Variants in EPM2A observed in about 807,000 individuals in gnomAD.
EPM2A encodes the protein laforin.
In EPM2A, 21 loss-of-function variants were observed where a neutral mutation model predicts 26.5. The observed-to-expected ratio is 0.79, with a 90% CI of 0.56 to 1.14. The LOEUF (loss-of-function observed/expected upper bound fraction) is 1.14, where lower values mean the gene tolerates loss of function less well. EPM2A is among the 50% of genes most tolerant of loss of function. The pLI is 0.00. For synonymous variants in EPM2A, 217 were observed against 177.6 expected (o/e 1.22, Z -1.76); for missense variants, 458 against 440.8 (o/e 1.04, Z -0.35).
At chr6:145,399,750 C>T (rs1006169611) in intron 4 of EPM2A, among the ~76,000 whole-genome samples, 1 of 152,068 alleles carries the variant, frequency 6.6e-6, no homozygotes, top group Non-Finnish European at 1.5e-5. Flanking sequence ...TTATGTCAAC[C>T]CTTCAGGTGA....
At chr6:145,480,196 T>TTTAA (rs10657193) in intron 4 of EPM2A, among the ~76,000 whole-genome samples, 17,080 of 150,474 alleles carry the variant, frequency 0.11, 2,163 homozygotes, top group African/African-American at 0.31. Context: ...AAAAAAGAGG[T>TTTAA]TTGACTCACA....
chr6:145,699,191 A>T (rs1296437671), intron 1 of EPM2A, among the ~76,000 whole-genome samples: 1 of 152,228 alleles, frequency 6.6e-6, no homozygotes, highest in South Asian at 2.1e-4. Flanking sequence ...TGATTCCCAC[A>T]ATAAATGAAC....
At chr6:145,552,681 T>C (rs1780672096) in intron 2 of EPM2A, among the ~76,000 whole-genome samples, 1 of 152,082 alleles carries the variant, frequency 6.6e-6, no homozygotes, top group Non-Finnish European at 1.5e-5. Context: ...TAAGAACCAC[T>C]GACTGTAAAA....
intron 4 of EPM2A, chr6:145,384,218 G>A (rs1778227886): frequency 6.6e-6 from 1 of 152,126 alleles, no homozygotes; most frequent in Non-Finnish European, 1.5e-5. Context: ...AAAATTGCAA[G>A]TCCCTAGTTT....
intron 4 of EPM2A, among the ~76,000 whole-genome samples, chr6:145,392,278 G>C (rs1778348258): frequency 6.6e-6 from 1 of 152,104 alleles, no homozygotes; most frequent in Non-Finnish European, 1.5e-5. Context: ...AACATGTTCT[G>C]GAGTCTCCGA....
At chr6:145,385,037 C>T (rs1026250023) in intron 4 of EPM2A, among the ~76,000 whole-genome samples, 1 of 147,608 alleles carries the variant, frequency 6.8e-6, no homozygotes, top group South Asian at 2.3e-4. Context: ...TAAATAGCAT[C>T]GCATGAATAA....
intron 2 of EPM2A, among the ~76,000 whole-genome samples, chr6:145,554,595 G>T (rs1207316034): frequency 6.6e-6 from 1 of 152,032 alleles, no homozygotes; most frequent in Non-Finnish European, 1.5e-5. Context: ...TCATGGTTCT[G>T]GAGGCTAGGA....
At chr6:145,485,661 G>A (rs527912203) in intron 4 of EPM2A, among the ~76,000 whole-genome samples, 68 of 152,298 alleles carry the variant, frequency 4.5e-4, no homozygotes, top group African/African-American at 1.6e-3. Flanking sequence ...GCAAAAAAGG[G>A]ATGTTCTGCC....
chr6:145,556,797 C>T (rs1165325070), intron 2 of EPM2A, among the ~76,000 whole-genome samples: 1 of 152,068 alleles, frequency 6.6e-6, no homozygotes, highest in African/African-American at 2.4e-5. Context: ...CACATAACAG[C>T]TTATGTCTCT....
In EPM2A at chr6:145,587,968, G is replaced by A. The variant is rs766368153; in HGVS notation, c.340+47277C>T. Reference sequence around the variant, plus strand: ...TTCTGAATTAATATTATGCATGTACGAATCAGACAGTAGAGTGGGAAAGTA... The same window carrying A: ...TTCTGAATTAATATTATGCATGTACAAATCAGACAGTAGAGTGGGAAAGTA... On this transcript the variant is annotated intron_variant, in intron 2 of 3. Coordinates refer to the EPM2A transcript ENST00000450221. Among the ~76,000 whole-genome samples, 9 of 152,214 alleles carry A rather than the reference G, an allele frequency of 5.9e-5. No individual in the cohort carries two copies. The South Asian group carries it at 8.3e-4, about 14-fold the overall frequency.
At chr6:145,617,200 C>T (rs549635858) in intron 2 of EPM2A, among the ~76,000 whole-genome samples, 1 of 152,282 alleles carries the variant, frequency 6.6e-6, no homozygotes, top group South Asian at 2.1e-4. Context: ...ATAAGTCTCA[C>T]AAGATCTGAT....
chr6:145,633,675 T>G (rs1169805947), intron 3 of EPM2A: 1 of 152,204 alleles, frequency 6.6e-6, no homozygotes, highest in Non-Finnish European at 1.5e-5. Context: ...TCCTCATGGT[T>G]TTTTATCTTG....
intron 2 of EPM2A, among the ~76,000 whole-genome samples, chr6:145,608,262 T>C (rs1775311228): frequency 6.6e-6 from 1 of 152,196 alleles, no homozygotes; most frequent in Non-Finnish European, 1.5e-5. Flanking sequence ...AACTTTATCA[T>C]AGGTATGTAT....
intron 2 of EPM2A, among the ~76,000 whole-genome samples, chr6:145,561,954 G>A (rs568087142): frequency 6.6e-6 from 1 of 151,644 alleles, no homozygotes; most frequent in Non-Finnish European, 1.5e-5. Context: ...ATGCATGTGG[G>A]GCTTAAAACC....
At chr6:145,624,207 G>A (rs1314181176), downstream of EPM2A, among the ~76,000 whole-genome samples, 2 of 151,936 alleles carry the variant, frequency 1.3e-5, no homozygotes, top group Non-Finnish European at 2.9e-5. Context: ...TTTTCCTACT[G>A]CGATCTAGTC....
At chr6:145,589,085 G>T (rs1217284257) in intron 2 of EPM2A, among the ~76,000 whole-genome samples, 1 of 152,096 alleles carries the variant, frequency 6.6e-6, no homozygotes, top group Admixed American at 6.5e-5. Flanking sequence ...CAAAATATTC[G>T]TCTATGACAG....
intron 4 of EPM2A, among the ~76,000 whole-genome samples, chr6:145,438,242 A>G (rs749725080): frequency 6.6e-6 from 1 of 152,180 alleles, no homozygotes; most frequent in Non-Finnish European, 1.5e-5. Context: ...GAACGGAAAT[A>G]GAATAACAAA....
downstream of EPM2A, among the ~76,000 whole-genome samples, chr6:145,624,850 G>T (rs941607600): frequency 6.6e-6 from 1 of 152,084 alleles, no homozygotes; most frequent in Non-Finnish European, 1.5e-5. Flanking sequence ...ACACCTTAAT[G>T]ATGGTCAAAA....
In EPM2A at chr6:145,726,224, A is replaced by G. The variant is rs145550214; in HGVS notation, c.301+8974T>C. On this transcript the variant is annotated intron_variant, in intron 1 of 3. Transcript: ENST00000367519. ...AGAGAAGTCACTGAAAGAGTACTCA[A>G]TGGCCAAACCTGAAATAAACTGAAC... 2.1e-4 allele frequency among the ~76,000 whole-genome samples: 32 copies of G among 152,268 alleles called. No homozygotes were observed. The East Asian group carries it at 5.2e-3, about 25-fold the overall frequency.
Sources: gnomAD v4.1 joint callset for allele counts (sites outside exome capture counted in the v4.1 genomes callset) on GRCh38, gnomAD v4.1.1 for gene constraint, MANE v1.5 for transcripts, NCBI Gene and HGNC (gene_info 2026-07-23, HGNC 2026-07-21) for gene names.